The following SP1 variants were observed in gnomAD, a reference collection of about 807,000 sequenced individuals.
SP1 encodes Sp1 transcription factor.
Under a neutral mutation model 66.3 loss-of-function variants are expected in SP1, and 6 were observed. That is an observed-to-expected ratio of 0.09 (90% CI 0.05 to 0.18). SP1 has a LOEUF of 0.18. Ranked by LOEUF, SP1 falls within the 10% of genes least tolerant of loss-of-function variation. The pLI is 1.00. For synonymous variants in SP1, 417 were observed against 360.8 expected (o/e 1.16, Z -1.77); for missense variants, 848 against 964.5 (o/e 0.88, Z 1.60).
At chr12:53,382,057 A>G in intron 2 of SP1, 53 bp from the exon 3 acceptor site, 2 of 1,550,282 alleles carry the variant, frequency 1.3e-6, no homozygotes, top group Non-Finnish European at 1.8e-6. Context: ...ACTGCCCCCT[A>G]GGCTGGCAGC....
intron 3 of SP1, among the ~76,000 whole-genome samples, chr12:53,399,426 C>T (rs1474411602): frequency 2.0e-5 from 3 of 151,662 alleles, no homozygotes; most frequent in East Asian, 1.9e-4. Context: ...CTCCGCCTCG[C>T]GAGTTCACGC....
At chr12:53,392,347 ATTTTTTTTTT>A (rs574953864) in intron 3 of SP1, among the ~76,000 whole-genome samples, 2 of 85,340 alleles carry the variant, frequency 2.3e-5, no homozygotes, top group South Asian at 7.5e-4. Flanking sequence ...CACCTGGCTA[ATTTTTTTTTT>A]TTTTTTTTTT....
chr12:53,384,833 A>C (rs1369692099), intron 3 of SP1, among the ~76,000 whole-genome samples: 1 of 151,508 alleles, frequency 6.6e-6, no homozygotes, highest in African/African-American at 2.4e-5. Flanking sequence ...AAAAATACAA[A>C]AATTGGCCGG....
chr12:53,384,806 G>A (rs1338742847), intron 3 of SP1, among the ~76,000 whole-genome samples: 5 of 151,780 alleles, frequency 3.3e-5, no homozygotes, highest in East Asian at 3.9e-4. Context: ...GCAACATGGC[G>A]AAACCCTGTC....
chr12:53,382,805 C>T lies in SP1; in HGVS notation c.858C>T (p.Ile286=). 1 of 1,614,200 alleles carries T rather than the reference C, an allele frequency of 6.2e-7. No homozygotes were observed. Among genetic ancestry groups the T allele is most frequent in the East Asian group, 2.2e-5 (1 of 44,890 alleles). ...TLTPSSQAVT[I]SSSGSQESGS... ...CTCCCAGCTCTCAGGCAGTCACGAT[C>T]AGCAGCTCTGGGTCCCAGGAGAGTG... The change falls in exon 3 of 6, where the codon ATC becomes ATT. Residue 286 remains isoleucine (I), a synonymous_variant. Transcript: ENST00000327443.
intron 3 of SP1, among the ~76,000 whole-genome samples, chr12:53,401,263 C>A (rs933548314): frequency 1.3e-5 from 2 of 151,506 alleles, no homozygotes; most frequent in Non-Finnish European, 2.9e-5. Context: ...CCAGCCTGAC[C>A]AACATGGTGA....
chr12:53,394,149 A>T (rs1938417671), intron 3 of SP1, among the ~76,000 whole-genome samples: 2 of 151,894 alleles, frequency 1.3e-5, no homozygotes, highest in African/African-American at 4.8e-5. Flanking sequence ...CGGGAGGTGG[A>T]GGTTGCAGTG....
At chr12:53,405,681 A>AAG (rs996844251) in intron 3 of SP1, among the ~76,000 whole-genome samples, 9 of 147,810 alleles carry the variant, frequency 6.1e-5, no homozygotes, top group Admixed American at 2.0e-4. Flanking sequence ...AAGGAAAGAA[A>AAG]AGAGAGAGAG....
chr12:53,390,800 C>T (rs770689028), intron 3 of SP1, among the ~76,000 whole-genome samples: 5 of 152,128 alleles, frequency 3.3e-5, no homozygotes, highest in African/African-American at 4.8e-5. Flanking sequence ...TTATAAATGA[C>T]GTCATTGTTA....
chr12:53,383,074 C>G lies in SP1; in HGVS notation c.1127C>G (p.Ser376Cys), dbSNP rs143127027. ...CTGAACATCCAGCAAAACCAGACAT[C>G]TGGAGGCTCATTGCAAGCAGGCCAG... is the stretch of plus-strand genomic sequence containing the variant. ...DALNIQQNQT[S>C]GGSLQAGQQK... Residue 376 changes from serine to cysteine, a missense_variant, in exon 3 of 6, where the codon TCT becomes TGT. Ser to Cys is a moderately radical substitution (Grantham distance 112). This residue lies in a region of SP1 where 606 missense variants were observed against 589.9 expected (regional missense o/e 1.03). Coordinates refer to ENST00000327443, the MANE Select transcript of SP1 (RefSeq NM_138473.3). 3.1e-6 allele frequency: 5 copies of G among 1,614,064 alleles called. No individual in the cohort carries two copies. The African/African-American group carries it at 5.3e-5, about 17-fold the overall frequency.
intron 3 of SP1, among the ~76,000 whole-genome samples, chr12:53,396,410 A>AT (rs1259110926): frequency 6.6e-6 from 1 of 151,812 alleles, no homozygotes; most frequent in Non-Finnish European, 1.5e-5. Flanking sequence ...TCTACTAAAA[A>AT]TACAAAAATT....
rs752999923 is a variant in SP1, at chr12:53,406,582, C to T, written c.1676-3C>T. 43 of 1,613,286 alleles carry T rather than the reference C, an allele frequency of 2.7e-5. No individual in the cohort carries two copies. The Admixed American group carries it at 7.2e-4, about 27-fold the overall frequency. ...TGTTGACCCTTTTCTCTCTTAATTT[C>T]AGGTGATCATGGAGCTCAGCTTGGT... On this transcript the variant is annotated splice_region_variant and splice_polypyrimidine_tract_variant and intron_variant, in intron 3 of 5. Coordinates refer to ENST00000327443, the MANE Select transcript of SP1 (RefSeq NM_138473.3).
In SP1 at chr12:53,381,729, G is replaced by A; in HGVS notation, c.78G>A (p.Gly26=). 6.2e-7 allele frequency: 1 copy of A among 1,614,084 alleles called. No homozygotes were observed. Among genetic ancestry groups the A allele is most frequent in the South Asian group, 1.1e-5 (1 of 91,074 alleles). The change falls in exon 2 of 6, where the codon GGG becomes GGA. Residue 26 remains glycine (G), a synonymous_variant. Transcript: ENST00000327443. ...AAAAAGGAGTTGGTGGCAATAATGG[G>A]GGCAATGGTAATGGTGGTGGTGCCT... ...KIEKGVGGNN[G]GNGNGGGAFS... is the part of the protein sequence containing the mutation.
intron 3 of SP1, among the ~76,000 whole-genome samples, chr12:53,406,009 C>A (rs1334061948): frequency 9.0e-5 from 12 of 134,006 alleles, no homozygotes; most frequent in East Asian, 2.4e-4. Flanking sequence ...TAAAAAAAAA[C>A]AACTATGAGA....
intron 5 of SP1, among the ~76,000 whole-genome samples, chr12:53,410,035 C>T (rs188999592): frequency 1.4e-5 from 2 of 138,694 alleles, no homozygotes; most frequent in Non-Finnish European, 3.1e-5. Flanking sequence ...AGCCAGGTGT[C>T]GTGGCTCATG....
At position 53,383,010 on chromosome 12, in the gene SP1, A is replaced by G. The variant is rs746679575; in HGVS notation, c.1063A>G (p.Thr355Ala). The G allele has an allele frequency of 1.4e-5, 22 of 1,614,198 alleles. No individual in the cohort carries two copies. The East Asian group carries it at 4.7e-4, about 34-fold the overall frequency. ...GSSGTNSQGQ[T>A]PQRVSGLQGS... ...ATCAGGGACCAACTCTCAAGGCCAG[A>G]CACCCCAGAGGGTCAGTGGGCTACA... Residue 355 changes from threonine (T) to alanine (A), a missense_variant, in exon 3 of 6, where the codon ACA (threonine) becomes GCA (alanine). This residue lies in a region of SP1 where 606 missense variants were observed against 589.9 expected (regional missense o/e 1.03). Transcript: ENST00000327443.
At position 53,401,323 on chromosome 12, in the gene SP1, C is replaced by T. The variant is rs569936568; in HGVS notation, c.1676-5262C>T. 9.8e-4 allele frequency among the ~76,000 whole-genome samples: 149 copies of T among 151,472 alleles called. 1 individual carries two copies. The highest frequency in any genetic ancestry group is 2.7e-3 in the African/African-American group (112 of 41,324). ...AAAATTAGCCGGGCATGGTGGTGGG[C>T]GCCTGTAATCCCAGGTATTCAGGAG... is the stretch of plus-strand genomic sequence containing the variant. On this transcript the variant is annotated intron_variant, in intron 3 of 5. Coordinates refer to ENST00000327443, the MANE Select transcript of SP1 (RefSeq NM_138473.3).
intron 3 of SP1, among the ~76,000 whole-genome samples, chr12:53,406,359 G>T (rs1436255597): frequency 6.6e-6 from 1 of 152,036 alleles, no homozygotes; most frequent in Non-Finnish European, 1.5e-5. Context: ...GTGAACCACT[G>T]CGCCCAGCCA....
rs1291306709 is a variant in SP1, at chr12:53,383,318, G to T, written c.1371G>T (p.Gly457=). The change falls in exon 3 of 6, where the codon GGG becomes GGT. Residue 457 remains glycine (G), a synonymous_variant. Coordinates refer to ENST00000327443, the MANE Select transcript of SP1 (RefSeq NM_138473.3). ...TCATCATCCGGACACCAACAGTGGG[G>T]CCCAATGGACAGGTCAGTTGGCAGA... ...GPIIIRTPTV[G]PNGQVSWQTL... The T allele has an allele frequency of 1.9e-6, 3 of 1,614,064 alleles. No homozygotes were observed. The highest frequency in any genetic ancestry group is 1.3e-5 in the African/African-American group (1 of 74,934).
Sources: allele counts gnomAD v4.1 joint callset (sites outside exome capture counted in the v4.1 genomes callset), GRCh38; gene constraint gnomAD v4.1.1; regional missense constraint gnomAD v4.1.1; transcripts MANE v1.5; gene names NCBI Gene and HGNC (gene_info 2026-07-23, HGNC 2026-07-21).